RANBP17: variants seen among roughly 807,000 people sequenced by gnomAD.
RANBP17 encodes RAN binding protein 17.
RANBP17 carries 158 observed loss-of-function variants against 141.2 expected under a neutral mutation model. The ratio of observed to expected loss-of-function variants is 1.12; its 90% CI spans 0.98 to 1.28. The LOEUF is 1.28. RANBP17 is among the 50% of genes most tolerant of loss of function. RANBP17 has a pLI of 0.00. For synonymous variants in RANBP17, 430 were observed against 450.0 expected, an observed-to-expected ratio of 0.96 and a Z score of 0.56; for missense variants, 1,438 against 1,290.7, an observed-to-expected ratio of 1.11 and a Z score of -1.75.
chr5:171,062,486 C>T (rs1193445032), intron 14 of RANBP17, among the ~76,000 whole-genome samples: 1 of 152,154 alleles, frequency 6.6e-6, no homozygotes, highest in Non-Finnish European at 1.5e-5. Context: ...TGAATATTGG[C>T]CCCCACTCTC....
intron 24 of RANBP17, among the ~76,000 whole-genome samples, chr5:171,246,139 C>T (rs1268446715): frequency 6.6e-6 from 1 of 152,282 alleles, no homozygotes; most frequent in Non-Finnish European, 1.5e-5. Flanking sequence ...CCTCAGCCTC[C>T]GAAAGTGCTG....
chr5:171,012,056 ATTTGTTTAAACG>A (rs1561986122), intron 14 of RANBP17, among the ~76,000 whole-genome samples: 1 of 128,744 alleles, frequency 7.8e-6, no homozygotes, highest in Non-Finnish European at 1.7e-5. Context: ...AAATTATATT[ATTTGTTTAAACG>A]AATATATTGT....
intron 14 of RANBP17, among the ~76,000 whole-genome samples, chr5:171,101,003 G>A (rs1017699460): frequency 6.6e-6 from 1 of 152,146 alleles, no homozygotes; most frequent in African/African-American, 2.4e-5. Flanking sequence ...ATTTGCTGAG[G>A]AGTGTTTTAC....
chr5:171,109,679 A>G (rs541059882), intron 14 of RANBP17, among the ~76,000 whole-genome samples: 9 of 152,288 alleles, frequency 5.9e-5, no homozygotes, highest in East Asian at 5.8e-4. Flanking sequence ...TTGTTATACT[A>G]TATTGTTTAG....
chr5:171,042,699 C>A (rs1782327175), intron 14 of RANBP17, among the ~76,000 whole-genome samples: 1 of 152,084 alleles, frequency 6.6e-6, no homozygotes, highest in Non-Finnish European at 1.5e-5. Context: ...TTAATTATAA[C>A]TATAAATCAA....
chr5:171,091,403 A>G (rs1786263445), intron 14 of RANBP17, among the ~76,000 whole-genome samples: 1 of 152,222 alleles, frequency 6.6e-6, no homozygotes, highest in Non-Finnish European at 1.5e-5. Flanking sequence ...TCTAGGAAAT[A>G]ACTAACTTGC....
intron 14 of RANBP17, among the ~76,000 whole-genome samples, chr5:171,123,687 G>A (rs1756214221): frequency 6.6e-6 from 1 of 152,166 alleles, no homozygotes; most frequent in African/African-American, 2.4e-5. Flanking sequence ...CAACCCACCT[G>A]GTGTCCCCAT....
intron 2 of RANBP17, among the ~76,000 whole-genome samples, chr5:170,878,789 A>G (rs185544250): frequency 1.3e-5 from 2 of 152,296 alleles, no homozygotes; most frequent in African/African-American, 4.8e-5. Context: ...CTAAATAGCT[A>G]TGAAACGATT....
intron 14 of RANBP17, among the ~76,000 whole-genome samples, chr5:171,133,067 G>T (rs1453132493): frequency 1.3e-5 from 2 of 151,992 alleles, no homozygotes; most frequent in Non-Finnish European, 2.9e-5. Context: ...TGTATTTTTA[G>T]TAGAGACAGG....
intron 14 of RANBP17, chr5:170,970,512 C>T (rs925042003): frequency 1.3e-5 from 2 of 152,040 alleles, no homozygotes; most frequent in Admixed American, 6.5e-5. Context: ...AGTCTGTGCT[C>T]TCTGTTAATT....
chr5:170,914,479 C>T (rs1275645620), intron 8 of RANBP17, among the ~76,000 whole-genome samples: 1 of 152,088 alleles, frequency 6.6e-6, no homozygotes, highest in African/African-American at 2.4e-5. Flanking sequence ...AGCTCTTGCC[C>T]AGAGCCAGGA....
intron 14 of RANBP17, among the ~76,000 whole-genome samples, chr5:170,989,874 A>T (rs911342634): frequency 6.6e-6 from 1 of 151,844 alleles, no homozygotes; most frequent in South Asian, 2.1e-4. Context: ...GATTACAAAG[A>T]TGTAAAACAA....
chr5:170,997,504 G>C (rs1383584580), intron 14 of RANBP17, among the ~76,000 whole-genome samples: 1 of 152,168 alleles, frequency 6.6e-6, no homozygotes, highest in Admixed American at 6.5e-5. Flanking sequence ...AGTCCACATA[G>C]TAAATGTACT....
At chr5:171,228,664 A>G (rs539484472) in intron 22 of RANBP17, among the ~76,000 whole-genome samples, 228 of 152,288 alleles carry the variant, frequency 1.5e-3, no homozygotes, top group African/African-American at 5.4e-3. Context: ...TTGATGCAGC[A>G]GATTTCATTG....
rs192714117 is a variant in RANBP17 at position 171,252,710 on chromosome 5, A to G, written c.2776+9890A>G. On this transcript the variant is annotated intron_variant, in intron 24 of 27. Coordinates refer to ENST00000523189, the MANE Select transcript of RANBP17 (RefSeq NM_022897.5). Reference sequence around the variant, plus strand: ...GATGCCACCAATCCAGACAGAATGTACAGCCTTGTTGCTGTTGTGGTTCAC... The same window carrying G: ...GATGCCACCAATCCAGACAGAATGTGCAGCCTTGTTGCTGTTGTGGTTCAC... The G allele has an allele frequency of 4.2e-5, 61 of 1,456,512 alleles. No homozygotes were observed. In the African/African-American group the frequency reaches 7.4e-4, roughly 18 times the overall value. 90.2% of individuals were successfully genotyped at this position (1,456,512 alleles called of 1,614,324 possible).
At chr5:171,010,425 C>G (rs1269025842) in intron 14 of RANBP17, among the ~76,000 whole-genome samples, 1 of 152,150 alleles carries the variant, frequency 6.6e-6, no homozygotes, top group Non-Finnish European at 1.5e-5. Context: ...AGGTGATCCT[C>G]CATTAATTCA....
At chr5:171,268,550 A>C (rs1248563476) in intron 25 of RANBP17, among the ~76,000 whole-genome samples, 1 of 151,026 alleles carries the variant, frequency 6.6e-6, no homozygotes, top group Non-Finnish European at 1.5e-5. Context: ...CTCCCTCCCC[A>C]CCCCACCCAA....
chr5:171,233,337 A>G (rs1037185035), intron 22 of RANBP17, among the ~76,000 whole-genome samples: 1 of 152,226 alleles, frequency 6.6e-6, no homozygotes, highest in Non-Finnish European at 1.5e-5. Context: ...TTTAGAAGAC[A>G]GTTTGGCAGC....
At chr5:171,205,214 T>A (rs1009684887) in intron 19 of RANBP17, among the ~76,000 whole-genome samples, 1 of 152,224 alleles carries the variant, frequency 6.6e-6, no homozygotes, top group African/African-American at 2.4e-5. Context: ...ATCTGTTTTG[T>A]GTAATTATCA....
Sources: allele counts gnomAD v4.1 joint callset (sites outside exome capture counted in the v4.1 genomes callset), GRCh38; gene constraint gnomAD v4.1.1; transcripts MANE v1.5; gene names NCBI Gene and HGNC (gene_info 2026-07-23, HGNC 2026-07-21).